NCAPD3: variants seen among roughly 807,000 people sequenced by gnomAD.
The protein encoded by NCAPD3 is non-SMC condensin II complex subunit D3.
In NCAPD3, 105 loss-of-function variants were observed where a neutral mutation model predicts 182.9. The observed-to-expected ratio is 0.57, with a 90% CI of 0.49 to 0.68. NCAPD3 has a LOEUF of 0.68. Among genes scored for constraint, NCAPD3 ranks in the 30% least tolerant of loss-of-function variants. The probability of loss-of-function intolerance (pLI) is 0.00; values close to 1 mark genes in which losing one functional copy is unlikely to be tolerated. For synonymous variants in NCAPD3, 815 were observed against 679.9 expected (o/e 1.20, Z -3.09); for missense variants, 1,944 against 1,837.0 (o/e 1.06, Z -1.07).
chr11:134,166,959 T>A (rs1341617137), intron 27 of NCAPD3, among the ~76,000 whole-genome samples: 1 of 110,870 alleles, frequency 9.0e-6, no homozygotes, highest in Admixed American at 9.8e-5. Flanking sequence ...ACTAGTGAGA[T>A]GAGCTTAGGG....
intron 24 of NCAPD3, among the ~76,000 whole-genome samples, chr11:134,175,076 A>G (rs1341886030): frequency 1.3e-5 from 2 of 152,214 alleles, no homozygotes; most frequent in African/African-American, 2.4e-5. Context: ...ACTACACGGT[A>G]AAGTATATCT....
intron 1 of NCAPD3, among the ~76,000 whole-genome samples, chr11:134,221,230 C>G (rs1320714876): frequency 6.6e-6 from 1 of 152,140 alleles, no homozygotes. Flanking sequence ...GATTCAGACT[C>G]CCAGGAATAC....
chr11:134,215,873 G>A (rs1199280417), intron 3 of NCAPD3, among the ~76,000 whole-genome samples: 1 of 152,146 alleles, frequency 6.6e-6, no homozygotes, highest in African/African-American at 2.4e-5. Context: ...TACTGTGATC[G>A]AATGTTAAGT....
At chr11:134,188,404 C>G (rs1009759591) in intron 16 of NCAPD3, among the ~76,000 whole-genome samples, 10 of 152,188 alleles carry the variant, frequency 6.6e-5, no homozygotes, top group African/African-American at 2.4e-4. Flanking sequence ...AGCTGGCCAC[C>G]CGAGCCAGCA....
intron 13 of NCAPD3, among the ~76,000 whole-genome samples, chr11:134,201,099 A>G (rs888032265): frequency 4.8e-5 from 7 of 146,930 alleles, no homozygotes; most frequent in Admixed American, 2.8e-4. Context: ...ATCTCGGCTC[A>G]CTGCAACCTC....
In NCAPD3 at chr11:134,208,861, T is replaced by TACCTTATCTCCTTC; in HGVS notation, c.871_882+2dup. On this transcript the variant is annotated splice_region_variant and intron_variant, in intron 7 of 34. Transcript: ENST00000534548. Reference sequence around the variant, plus strand: ...AACCAAATTAGGTTCTCATCTCCTTTACCTTATCTCCTTCTCCATGAATGG... The same window carrying TACCTTATCTCCTTC: ...AACCAAATTAGGTTCTCATCTCCTTTACCTTATCTCCTTCACCTTATCTCCTTCTCCATGAATGG... 6.2e-7 allele frequency: 1 copy of TACCTTATCTCCTTC among 1,607,274 alleles called. No homozygotes were observed.
At chr11:134,217,675 T>C (rs1383986597) in intron 2 of NCAPD3, among the ~76,000 whole-genome samples, 4 of 152,200 alleles carry the variant, frequency 2.6e-5, no homozygotes, top group Non-Finnish European at 5.9e-5. Flanking sequence ...GAAGAAGAAA[T>C]GGGTTATTTT....
At position 134,210,315 on chromosome 11, in the gene NCAPD3, C is replaced by A. The variant is rs1937785833; in HGVS notation, c.522G>T (p.Gly174=). The change falls in exon 4 of 35, where the codon GGG becomes GGT. Residue 174 remains glycine (G), a synonymous_variant. Transcript: ENST00000534548. ...EQPKSSQANP[G]RHRKRGKPPR... Reference sequence around the variant, plus strand: ...GTGGCTTTCCCCTTTTTCTATGCCTCCCGGGGTTAGCCTGAGAGCTCTTAG... The same window carrying A: ...GTGGCTTTCCCCTTTTTCTATGCCTACCGGGGTTAGCCTGAGAGCTCTTAG... The A allele has an allele frequency of 6.2e-7, 1 of 1,613,958 alleles. No homozygotes were observed. Among genetic ancestry groups the A allele is most frequent in the Admixed American group, 1.7e-5 (1 of 59,986 alleles).
At chr11:134,195,046 A>AT (rs1944599061) in intron 13 of NCAPD3, among the ~76,000 whole-genome samples, 1 of 152,222 alleles carries the variant, frequency 6.6e-6, no homozygotes, top group African/African-American at 2.4e-5. Flanking sequence ...CCATAGGATT[A>AT]TTTTAAAGAT....
intron 29 of NCAPD3, among the ~76,000 whole-genome samples, chr11:134,159,385 T>C (rs979595907): frequency 1.1e-4 from 17 of 152,242 alleles, no homozygotes; most frequent in African/African-American, 4.1e-4. Context: ...ATATCAACCC[T>C]GGGTAAGTTG....
chr11:134,178,749 G>C lies in NCAPD3; in HGVS notation c.2675-8C>G, dbSNP rs775216489. 6.2e-7 allele frequency: 1 copy of C among 1,609,104 alleles called. No homozygotes were observed. Among genetic ancestry groups the C allele is most frequent in the Non-Finnish European group, 8.5e-7 (1 of 1,176,092 alleles). The stretch of plus-strand genomic sequence containing the variant: ...TGCCTTGAGATGATGGTGCTGCAAA[G>C]AAGGGAGAGAAAGTTACCGACAGAA... On this transcript the variant is annotated splice_polypyrimidine_tract_variant and splice_region_variant and intron_variant, in intron 21 of 34. Coordinates refer to ENST00000534548, the MANE Select transcript of NCAPD3 (RefSeq NM_015261.3).
chr11:134,199,571 C>A (rs1243545537), intron 13 of NCAPD3, among the ~76,000 whole-genome samples: 2 of 152,168 alleles, frequency 1.3e-5, no homozygotes, highest in Admixed American at 6.5e-5. Flanking sequence ...CGATGCTGGG[C>A]AGCAAGAGTA....
At chr11:134,223,777 C>A (rs1938338434) in intron 1 of NCAPD3, 86 bp downstream of exon 1, 1 of 1,502,288 alleles carries the variant, frequency 6.7e-7, no homozygotes, top group African/African-American at 1.4e-5. Flanking sequence ...CCGCCCCCAC[C>A]GGCACCCCGG....
In NCAPD3 at chr11:134,157,084, T is replaced by G. The variant is rs754225230; in HGVS notation, c.4186A>C (p.Ser1396Arg). Residue 1396 changes from serine to arginine, a missense_variant, in exon 32 of 35, where the codon AGT (serine) becomes CGT (arginine). Physicochemically the swap from Ser to Arg is moderately radical, Grantham distance 110 (BLOSUM62 -1). Transcript: ENST00000534548. ...TCGCCATTCGACTCTTGCTCCAAAC[T>G]GTATGAAGACACTAGAACAGAAAAG... Reference protein sequence around the residue: ...EKTCSQVSSYSLEQESNGEIE... With the variant: ...EKTCSQVSSYRLEQESNGEIE... 6.2e-6 allele frequency: 10 copies of G among 1,612,908 alleles called. No homozygotes were observed.
Position 134,168,622 on chromosome 11 carries a change from G to A in NCAPD3, c.3240-20C>T. On this transcript the variant is annotated intron_variant, in intron 25 of 34. Transcript: ENST00000534548. ...TTCTCTCTGTGGCAGAACGGGACAA[G>A]TTCACTGCATCACATGGGCACGGGT... The A allele has an allele frequency of 6.2e-7, 1 of 1,613,706 alleles. No homozygotes were observed. The highest frequency in any genetic ancestry group is 8.5e-7 in the Non-Finnish European group (1 of 1,179,968).
At chr11:134,157,420 A>G (rs756443848) in intron 31 of NCAPD3, among the ~76,000 whole-genome samples, 14 of 152,344 alleles carry the variant, frequency 9.2e-5, no homozygotes, top group Non-Finnish European at 1.5e-4. Flanking sequence ...ATACAAGGCT[A>G]TATGTACAAG....
intron 3 of NCAPD3, among the ~76,000 whole-genome samples, chr11:134,211,180 A>AGTT (rs1937820142): frequency 6.6e-6 from 1 of 152,212 alleles, no homozygotes; most frequent in Non-Finnish European, 1.5e-5. Flanking sequence ...ACACACCTTA[A>AGTT]CAGTAGGGCT....
At chr11:134,214,029 G>T (rs751318686) in intron 3 of NCAPD3, among the ~76,000 whole-genome samples, 2 of 151,230 alleles carry the variant, frequency 1.3e-5, no homozygotes, top group Non-Finnish European at 2.9e-5. Flanking sequence ...AGAACATCAG[G>T]AAGCATATGT....
At chr11:134,160,903 C>T (rs1943558575) in intron 28 of NCAPD3, among the ~76,000 whole-genome samples, 1 of 151,546 alleles carries the variant, frequency 6.6e-6, no homozygotes, top group Admixed American at 6.6e-5. Flanking sequence ...GCTTATTTTT[C>T]TTAAGTGTTT....
Sources: gnomAD v4.1 joint callset for allele counts (sites outside exome capture counted in the v4.1 genomes callset) on GRCh38, gnomAD v4.1.1 for gene constraint, MANE v1.5 for transcripts, NCBI Gene and HGNC (gene_info 2026-07-23, HGNC 2026-07-21) for gene names.